ZBBX: variants seen among roughly 807,000 people sequenced by gnomAD.
The protein encoded by ZBBX is zinc finger B-box domain-containing protein 1.
In ZBBX, 101 loss-of-function variants were observed where a neutral mutation model predicts 108.5. The ratio of observed to expected loss-of-function variants is 0.93; its 90% CI spans 0.79 to 1.10. The LOEUF (loss-of-function observed/expected upper bound fraction) is 1.10. Among genes scored for constraint, ZBBX ranks in the 50% least tolerant of loss-of-function variants. The pLI is 0.00. For synonymous variants in ZBBX, 356 were observed against 323.4 expected (o/e 1.10, Z -1.08); for missense variants, 1,009 against 941.4 (o/e 1.07, Z -0.94).
chr3:167,377,323 T>C (rs1331576124), intron 2 of ZBBX, among the ~76,000 whole-genome samples: 1 of 152,144 alleles, frequency 6.6e-6, no homozygotes, highest in African/African-American at 2.4e-5. Context: ...AGAACACCAT[T>C]GGCAGAATGG....
chr3:167,355,761 GACAACTA>G (rs1043456801), intron 8 of ZBBX, among the ~76,000 whole-genome samples: 9 of 151,788 alleles, frequency 5.9e-5, no homozygotes, highest in Non-Finnish European at 1.2e-4. Flanking sequence ...ATTATGTTTT[GACAACTA>G]ACATGGGATA....
the ZBBX span, among the ~76,000 whole-genome samples, chr3:167,205,679 T>C: frequency 6.6e-6 from 1 of 152,172 alleles, no homozygotes; most frequent in Non-Finnish European, 1.5e-5. Context: ...TTGTCTGCAT[T>C]TTACAGGAGA....
chr3:167,388,223 G>A (rs571430751), intron 1 of ZBBX, among the ~76,000 whole-genome samples: 2 of 151,932 alleles, frequency 1.3e-5, no homozygotes, highest in Non-Finnish European at 2.9e-5. Context: ...GTTTCTAGAA[G>A]AGGAACATCA....
intron 20 of ZBBX, among the ~76,000 whole-genome samples, chr3:167,249,548 A>G (rs530041043): frequency 1.8e-4 from 27 of 152,220 alleles, no homozygotes; most frequent in Admixed American, 6.5e-4. Context: ...TAACCCTCCA[A>G]CAAATGCCCA....
chr3:167,365,895 AT>A lies in ZBBX; in HGVS notation c.263del (p.Asn88MetfsTer10), dbSNP rs771621323. 1.0e-3 allele frequency: 1,654 copies of A among 1,605,552 alleles called. No homozygotes were observed. The highest frequency in any genetic ancestry group is 1.2e-3 in the Non-Finnish European group (1,443 of 1,174,494). On this transcript the variant is annotated frameshift_variant, in exon 6 of 22. Coordinates refer to ENST00000675490, the MANE Select transcript of ZBBX (RefSeq NM_001199201.2). LOFTEE classifies it high-confidence loss of function. ...AATAGTATCTTCTTACCTTAACAAC[AT>A]TTCCTTTATTTTGTGACATCATATA... ...QSYMMSQNKG[N>X]VVKFSAGKVK...
intron 10 of ZBBX, among the ~76,000 whole-genome samples, chr3:167,328,385 T>C (rs1737790792): frequency 6.6e-6 from 1 of 152,192 alleles, no homozygotes. Context: ...ATCATTATGC[T>C]GTTCACCAGT....
At chr3:167,296,585 G>A (rs1338715494) in intron 18 of ZBBX, among the ~76,000 whole-genome samples, 5 of 151,822 alleles carry the variant, frequency 3.3e-5, no homozygotes, top group African/African-American at 1.2e-4. Flanking sequence ...TGCTAACAAT[G>A]AACAATCGGA....
chr3:167,320,117 T>G (rs1436902798), intron 12 of ZBBX, among the ~76,000 whole-genome samples: 1 of 151,840 alleles, frequency 6.6e-6, no homozygotes, highest in Non-Finnish European at 1.5e-5. Context: ...AGTCCAGATC[T>G]TTGTTTCTGA....
At chr3:167,392,274 TATAAC>T (rs999182477) in intron 1 of ZBBX, among the ~76,000 whole-genome samples, 30 of 151,910 alleles carry the variant, frequency 2.0e-4, no homozygotes, top group Non-Finnish European at 3.1e-4. Flanking sequence ...ACTGGATAAA[TATAAC>T]ATAATTTATT....
chr3:167,299,639 C>A (rs73879656), intron 17 of ZBBX, among the ~76,000 whole-genome samples: 2,188 of 152,234 alleles, frequency 0.014, 48 homozygotes, highest in African/African-American at 0.05. Context: ...TACTGCCCTA[C>A]AAATTAGTAC....
chr3:167,275,701 G>C (rs1344184511), intron 20 of ZBBX, among the ~76,000 whole-genome samples: 1 of 152,198 alleles, frequency 6.6e-6, no homozygotes, highest in African/African-American at 2.4e-5. Context: ...GAGGCTGGGG[G>C]AGGGGTGCCC....
intron 9 of ZBBX, among the ~76,000 whole-genome samples, chr3:167,345,140 C>A (rs1434754951): frequency 1.3e-5 from 2 of 151,828 alleles, no homozygotes. Flanking sequence ...CTTAATCAAA[C>A]CACTAAGGAC....
intron 20 of ZBBX, among the ~76,000 whole-genome samples, chr3:167,264,720 TCA>T (rs1725176267): frequency 6.6e-6 from 1 of 152,262 alleles, no homozygotes; most frequent in South Asian, 2.1e-4. Flanking sequence ...CTTTATACTT[TCA>T]CAGTCAACAA....
intron 12 of ZBBX, 83 bp downstream of exon 12, chr3:167,322,034 T>C: frequency 1.3e-6 from 1 of 793,130 alleles, no homozygotes; most frequent in Non-Finnish European, 1.8e-6. Context: ...ACATATAAAA[T>C]TGCTATAGGA....
chr3:167,331,034 C>A lies in ZBBX; in HGVS notation c.687+2793G>T, dbSNP rs532403809. ...ACATAAGAACACAGCAAGAAGGCAG[C>A]CATCTAAAAGCCAGGAAGTAAAGCC... On this transcript the variant is annotated intron_variant, in intron 10 of 21. Coordinates refer to ENST00000675490, the MANE Select transcript of ZBBX (RefSeq NM_001199201.2). Among the ~76,000 whole-genome samples, 4 of 147,268 alleles carry A rather than the reference C, an allele frequency of 2.7e-5. No individual in the cohort carries two copies. In the East Asian group the frequency reaches 6.3e-4, roughly 23 times the overall value.
At chr3:167,270,950 A>G (rs1317069722) in intron 20 of ZBBX, among the ~76,000 whole-genome samples, 1 of 152,228 alleles carries the variant, frequency 6.6e-6, no homozygotes, top group Non-Finnish European at 1.5e-5. Context: ...TACCACCTTC[A>G]AAACAGGATG....
intron 9 of ZBBX, among the ~76,000 whole-genome samples, chr3:167,337,845 C>T (rs1011488510): frequency 2.0e-5 from 3 of 151,982 alleles, no homozygotes; most frequent in African/African-American, 7.3e-5. Flanking sequence ...GATAACTATA[C>T]ATATTAAGTA....
downstream of ZBBX, among the ~76,000 whole-genome samples, chr3:167,235,380 C>A (rs1720192202): frequency 6.6e-6 from 1 of 151,356 alleles, no homozygotes. Context: ...AATTATATAA[C>A]AGTTTAAAAG....
chr3:167,303,336 T>C (rs1733045596), intron 17 of ZBBX, among the ~76,000 whole-genome samples: 1 of 152,188 alleles, frequency 6.6e-6, no homozygotes, highest in Admixed American at 6.5e-5. Flanking sequence ...AGAATCTTAG[T>C]ACTTTTAACT....
Sources: gnomAD v4.1 joint callset for allele counts (sites outside exome capture counted in the v4.1 genomes callset) on GRCh38, gnomAD v4.1.1 for gene constraint, MANE v1.5 for transcripts, NCBI Gene and HGNC (gene_info 2026-07-23, HGNC 2026-07-21) for gene names.